RANBP2: variants seen among roughly 807,000 people sequenced by gnomAD.
The protein encoded by RANBP2 is RAN binding protein 2.
RANBP2 carries 57 observed loss-of-function variants against 303.6 expected under a neutral mutation model. The observed-to-expected ratio is 0.19, with a 90% CI of 0.15 to 0.23. RANBP2 has a LOEUF of 0.23. Ranked by LOEUF, RANBP2 falls within the 10% of genes least tolerant of loss-of-function variation. RANBP2 has a pLI of 1.00. For missense variants in RANBP2, 3,138 were observed against 3,780.8 expected (o/e 0.83, Z 4.46); for synonymous variants, 1,167 against 1,301.5 (o/e 0.90, Z 2.23).
the RANBP2 span, among the ~76,000 whole-genome samples, chr2:109,296,022 G>A: frequency 6.6e-6 from 1 of 152,074 alleles, no homozygotes; most frequent in Non-Finnish European, 1.5e-5. Context: ...ATTGATGGGA[G>A]GCTCTGAAGG....
chr2:108,741,495 CTTTTTTTTTT>C (rs34872068), intron 7 of RANBP2, among the ~76,000 whole-genome samples: 4 of 61,798 alleles, frequency 6.5e-5, no homozygotes, highest in Admixed American at 2.7e-4. Flanking sequence ...TGCGCCTGGC[CTTTTTTTTTT>C]TTTTTTTTTT....
the RANBP2 span, chr2:109,613,465 T>TC: frequency 4.2e-5 from 11 of 260,884 alleles, no homozygotes; most frequent in African/African-American, 1.5e-4. Flanking sequence ...CACTGCGCCT[T>TC]CAACTCCGTT....
rs1677949701 is a variant in RANBP2, at chr2:108,777,226, C to G, written c.8594C>G (p.Ser2865Cys). 1.9e-6 allele frequency: 3 copies of G among 1,612,718 alleles called. No homozygotes were observed. The African/African-American group carries it at 4.0e-5, about 22-fold the overall frequency. Residue 2865 changes from serine to cysteine, a missense_variant, in exon 25 of 29, where the codon TCT becomes TGT. This residue lies in a region of RANBP2 where 497 missense variants were observed against 465.8 expected (regional missense o/e 1.07). Coordinates refer to ENST00000283195, the MANE Select transcript of RANBP2 (RefSeq NM_006267.5). ...AATTCTGGAGATTTTGCTTTTGGTTCTAAAGGTAAGATCAAGAGGAGAGAC... is the reference window on the plus strand; with the variant it reads ...AATTCTGGAGATTTTGCTTTTGGTTGTAAAGGTAAGATCAAGAGGAGAGAC... ...SSNSGDFAFG[S>C]KDKNFQWANT...
chr2:109,622,097 TA>T, the RANBP2 span, among the ~76,000 whole-genome samples: 3 of 152,122 alleles, frequency 2.0e-5, no homozygotes, highest in Non-Finnish European at 4.4e-5. Context: ...TTACTATATA[TA>T]CCCGATGAGG....
At chr2:109,339,324 A>G in the RANBP2 span, among the ~76,000 whole-genome samples, 1 of 152,158 alleles carries the variant, frequency 6.6e-6, no homozygotes, top group African/African-American at 2.4e-5. Flanking sequence ...TGAAAAATGT[A>G]TATATAGTAA....
At chr2:109,220,902 G>A in the RANBP2 span, among the ~76,000 whole-genome samples, 1 of 152,214 alleles carries the variant, frequency 6.6e-6, no homozygotes, top group Non-Finnish European at 1.5e-5. Flanking sequence ...ATATAATCCA[G>A]CAGTTCTATT....
the RANBP2 span, among the ~76,000 whole-genome samples, chr2:109,072,562 A>G: frequency 6.6e-6 from 1 of 152,268 alleles, no homozygotes; most frequent in South Asian, 2.1e-4. Context: ...TGGCCTCTAA[A>G]CCATCTGTGT....
the RANBP2 span, chr2:109,432,510 G>A: frequency 3.3e-5 from 53 of 1,613,276 alleles, no homozygotes; most frequent in Admixed American, 3.7e-4. Flanking sequence ...GGTACCTGGC[G>A]CTCTACGCCT....
the RANBP2 span, chr2:108,798,708 TACACACACACACAC>T: frequency 5.1e-5 from 22 of 429,028 alleles, no homozygotes; most frequent in Admixed American, 1.6e-4. Flanking sequence ...TCTCCACGCC[TACACACACACACAC>T]ACACACACAC....
the RANBP2 span, among the ~76,000 whole-genome samples, chr2:109,369,790 C>A: frequency 1.3e-5 from 2 of 152,210 alleles, no homozygotes; most frequent in Non-Finnish European, 2.9e-5. Context: ...AACCCTACGG[C>A]CCCCTCCGCT....
chr2:109,089,715 G>C, the RANBP2 span, among the ~76,000 whole-genome samples: 1 of 152,174 alleles, frequency 6.6e-6, no homozygotes, highest in Non-Finnish European at 1.5e-5. Context: ...GTCTGGATGT[G>C]GTGATTTGGT....
chr2:109,085,793 CAG>C, the RANBP2 span, among the ~76,000 whole-genome samples: 4 of 151,662 alleles, frequency 2.6e-5, no homozygotes, highest in African/African-American at 9.7e-5. Context: ...TTAGTAGAGA[CAG>C]AGTTTCACCA....
At chr2:109,165,919 G>A in the RANBP2 span, among the ~76,000 whole-genome samples, 14 of 152,194 alleles carry the variant, frequency 9.2e-5, no homozygotes, top group Admixed American at 9.2e-4. Context: ...GACATGGGTG[G>A]TCACTAGTTT....
At chr2:109,764,659 G>A in the RANBP2 span, among the ~76,000 whole-genome samples, 7 of 147,830 alleles carry the variant, frequency 4.7e-5, no homozygotes, top group African/African-American at 1.8e-4. Flanking sequence ...ATGGAAAGAG[G>A]AAAAATTGAA....
the RANBP2 span, among the ~76,000 whole-genome samples, chr2:109,700,551 A>G: frequency 1.4e-4 from 22 of 152,126 alleles, no homozygotes; most frequent in African/African-American, 5.1e-4. Context: ...TTTCCAAAGG[A>G]GGCAATCAGA....
At chr2:109,582,075 G>GACACACACACACAC in the RANBP2 span, among the ~76,000 whole-genome samples, 1 of 143,768 alleles carries the variant, frequency 7.0e-6, no homozygotes, top group African/African-American at 2.5e-5. Context: ...ATGTACAACA[G>GACACACACACACAC]ACACACACAC....
the RANBP2 span, among the ~76,000 whole-genome samples, chr2:109,678,095 A>T: frequency 7.9e-5 from 12 of 152,220 alleles, no homozygotes; most frequent in Non-Finnish European, 1.6e-4. Context: ...GCAGTGTTGC[A>T]TAGCAACACC....
At chr2:108,907,371 C>T in the RANBP2 span, among the ~76,000 whole-genome samples, 2 of 152,064 alleles carry the variant, frequency 1.3e-5, no homozygotes, top group Non-Finnish European at 2.9e-5. Context: ...AGTGGCTGGG[C>T]GTGGTAGCTC....
the RANBP2 span, among the ~76,000 whole-genome samples, chr2:109,101,614 T>A: frequency 6.6e-6 from 1 of 152,202 alleles, no homozygotes; most frequent in African/African-American, 2.4e-5. Flanking sequence ...TTCCCATAGT[T>A]ACTGTGCATA....
Sources: allele counts gnomAD v4.1 joint callset (sites outside exome capture counted in the v4.1 genomes callset), GRCh38; gene constraint gnomAD v4.1.1; regional missense constraint gnomAD v4.1.1; transcripts MANE v1.5; gene names NCBI Gene and HGNC (gene_info 2026-07-23, HGNC 2026-07-21).